Variants in DCLK1 observed in about 807,000 individuals in gnomAD.
DCLK1 encodes the protein serine/threonine-protein kinase DCLK1.
Under a neutral mutation model 86.2 loss-of-function variants are expected in DCLK1, and 16 were observed. The ratio of observed to expected loss-of-function variants is 0.19; its 90% confidence interval spans 0.13 to 0.28. The LOEUF is 0.28. DCLK1 is among the 10% of genes least tolerant of loss of function. The probability of loss-of-function intolerance (pLI) is 1.00; values close to 1 mark genes in which losing one functional copy is unlikely to be tolerated. For synonymous variants in DCLK1, 369 were observed against 370.5 expected (o/e 1.00, Z 0.05); for missense variants, 590 against 940.2 (o/e 0.63, Z 4.87).
At chr13:35,975,401 C>G (rs1879283212) in intron 3 of DCLK1, among the ~76,000 whole-genome samples, 1 of 152,122 alleles carries the variant, frequency 6.6e-6, no homozygotes, top group Non-Finnish European at 1.5e-5. Context: ...ACCTGGGGTG[C>G]CAGAAACACA....
At chr13:36,039,260 C>G (rs1015127773) in intron 3 of DCLK1, among the ~76,000 whole-genome samples, 10 of 152,164 alleles carry the variant, frequency 6.6e-5, no homozygotes, top group Non-Finnish European at 1.3e-4. Context: ...CCATGTATTT[C>G]TGAAGTGTGA....
At chr13:35,865,121 T>C (rs1275556690) in intron 5 of DCLK1, among the ~76,000 whole-genome samples, 3 of 152,188 alleles carry the variant, frequency 2.0e-5, no homozygotes, top group African/African-American at 7.2e-5. Context: ...AAGTGATGCA[T>C]ATTTTATTCC....
At position 35,775,881 on chromosome 13, in the gene DCLK1, T is replaced by G. The variant is rs145440284; in HGVS notation, c.2059-1182A>C. Among the ~76,000 whole-genome samples, 1,262 of 152,208 alleles carry G rather than the reference T, an allele frequency of 8.3e-3. 21 individuals are homozygous for G. The highest frequency in any genetic ancestry group is 0.01 in the Middle Eastern group (3 of 294). ...AGTATAGCATTAGGGCAATCTTAGA[T>G]CTAAAATAGGCCAATCAAAGTTCCA... On this transcript the variant is annotated intron_variant, in intron 16 of 16. Coordinates refer to ENST00000360631, the MANE Select transcript of DCLK1 (RefSeq NM_001330071.2).
chr13:36,123,498 T>G (rs1886063018), intron 2 of DCLK1, among the ~76,000 whole-genome samples: 1 of 152,228 alleles, frequency 6.6e-6, no homozygotes. Flanking sequence ...GGCAGTTACT[T>G]CACATTGATT....
intron 2 of DCLK1, among the ~76,000 whole-genome samples, chr13:36,113,279 C>G (rs1369722966): frequency 6.6e-6 from 1 of 152,144 alleles, no homozygotes; most frequent in Non-Finnish European, 1.5e-5. Context: ...ATAACTGAAG[C>G]AGGCCTTCAA....
chr13:36,086,798 A>G (rs1452445117), intron 3 of DCLK1, among the ~76,000 whole-genome samples: 1 of 151,884 alleles, frequency 6.6e-6, no homozygotes, highest in Non-Finnish European at 1.5e-5. Context: ...AAGGACATGA[A>G]CTCACTCTTT....
At chr13:35,976,725 G>A (rs1381469580) in intron 3 of DCLK1, among the ~76,000 whole-genome samples, 5 of 151,400 alleles carry the variant, frequency 3.3e-5, no homozygotes, top group African/African-American at 7.3e-5. Flanking sequence ...TAGTAGAGAC[G>A]GGGTTTCACC....
chr13:35,790,394 G>T (rs2086690868), intron 16 of DCLK1, among the ~76,000 whole-genome samples: 5 of 152,120 alleles, frequency 3.3e-5, no homozygotes, highest in Admixed American at 2.6e-4. Flanking sequence ...GGAATGAGAA[G>T]TACTAGTTAA....
chr13:35,838,809 C>T (rs555488551), intron 7 of DCLK1, among the ~76,000 whole-genome samples: 154 of 152,268 alleles, frequency 1.0e-3, no homozygotes, highest in African/African-American at 3.4e-3. Flanking sequence ...TCCCAGCGAT[C>T]CCCTCTTATT....
chr13:36,078,024 A>G (rs1239309185), intron 3 of DCLK1, among the ~76,000 whole-genome samples: 1 of 152,200 alleles, frequency 6.6e-6, no homozygotes, highest in Non-Finnish European at 1.5e-5. Flanking sequence ...GTTAAAATCT[A>G]ATACCCAATA....
chr13:35,808,867 T>C (rs2087086186), intron 13 of DCLK1, 151 bp downstream of exon 13: 1 of 532,072 alleles, frequency 1.9e-6, no homozygotes, highest in Non-Finnish European at 3.3e-6. Flanking sequence ...TTAGCATGCA[T>C]GACATAACAG....
At chr13:36,082,818 C>T (rs896019727) in intron 3 of DCLK1, among the ~76,000 whole-genome samples, 1 of 152,182 alleles carries the variant, frequency 6.6e-6, no homozygotes, top group Non-Finnish European at 1.5e-5. Context: ...TGAGCCCCAG[C>T]TATCTACCTA....
chr13:35,798,749 T>C (rs1025615849), intron 15 of DCLK1, among the ~76,000 whole-genome samples: 2 of 152,254 alleles, frequency 1.3e-5, no homozygotes, highest in African/African-American at 4.8e-5. Context: ...AGTGGTTTTA[T>C]ATATTATTGC....
Position 36,131,363 on chromosome 13 carries a change from C to T in DCLK1, c.-269G>A. 1 of 193,550 alleles carries T rather than the reference C, an allele frequency of 5.2e-6. No individual in the cohort carries two copies. Among genetic ancestry groups the T allele is most frequent in the South Asian group, 9.2e-5 (1 of 10,896 alleles). The allele number at this position is 193,550 out of a possible 1,614,324, so 12.0% of individuals were successfully genotyped here. A position where few individuals can be genotyped will look rare whatever the true frequency, so the allele number is the denominator to read the frequency against. On this transcript the variant is annotated 5_prime_UTR_variant, in exon 1 of 17. Transcript: ENST00000360631. ...CGCACAGCCTCACTCCAGCCTCTCTCTCCAGAGGAGGGCGGCGGCGGCGGC... is the reference window on the plus strand; with the variant it reads ...CGCACAGCCTCACTCCAGCCTCTCTTTCCAGAGGAGGGCGGCGGCGGCGGC...
chr13:35,910,443 T>C (rs1874947058), intron 4 of DCLK1, among the ~76,000 whole-genome samples: 1 of 152,226 alleles, frequency 6.6e-6, no homozygotes, highest in Non-Finnish European at 1.5e-5. Context: ...AACTATGGAT[T>C]TTGTGCCTAA....
intron 15 of DCLK1, among the ~76,000 whole-genome samples, chr13:35,795,316 T>C (rs1453819519): frequency 6.6e-6 from 1 of 152,176 alleles, no homozygotes; most frequent in Admixed American, 6.5e-5. Context: ...AGAGTTTATG[T>C]GCCATGGTAA....
chr13:35,994,872 C>T (rs374651249), intron 3 of DCLK1, among the ~76,000 whole-genome samples: 2 of 152,196 alleles, frequency 1.3e-5, no homozygotes, highest in African/African-American at 4.8e-5. Flanking sequence ...GCCTAAATAC[C>T]ACAATGCATT....
At chr13:35,992,443 C>CTT (rs35847607) in intron 3 of DCLK1, among the ~76,000 whole-genome samples, 117 of 144,542 alleles carry the variant, frequency 8.1e-4, no homozygotes, top group Middle Eastern at 3.6e-3. Context: ...AAAGAAAGTG[C>CTT]TTTTTTTTTT....
chr13:36,093,720 C>T (rs201682711), intron 3 of DCLK1, among the ~76,000 whole-genome samples: 1 of 151,716 alleles, frequency 6.6e-6, no homozygotes, highest in Admixed American at 6.6e-5. Flanking sequence ...TCTCAAATAC[C>T]CTAAGGAATT....
Sources: allele counts gnomAD v4.1 joint callset (sites outside exome capture counted in the v4.1 genomes callset), GRCh38; gene constraint gnomAD v4.1.1; transcripts MANE v1.5; gene names NCBI Gene and HGNC (gene_info 2026-07-23, HGNC 2026-07-21).